NDRG3: variants seen among roughly 807,000 people sequenced by gnomAD.
NDRG3 encodes NDRG family member 3, also known as protein NDRG3.
Under a neutral mutation model 57.2 loss-of-function variants are expected in NDRG3, and 23 were observed. The ratio of observed to expected loss-of-function variants is 0.40; its 90% confidence interval spans 0.29 to 0.57. The LOEUF (loss-of-function observed/expected upper bound fraction) is 0.57. Ranked by LOEUF, NDRG3 falls within the 20% of genes least tolerant of loss-of-function variation. The pLI is 0.42. For missense variants in NDRG3, 384 were observed against 457.3 expected (o/e 0.84, Z 1.46); for synonymous variants, 132 against 162.6 (o/e 0.81, Z 1.43).
intron 6 of NDRG3, 39 bp downstream of exon 6, chr20:36,684,374 T>C: frequency 6.5e-7 from 1 of 1,537,516 alleles, no homozygotes; most frequent in Non-Finnish European, 9.0e-7. Flanking sequence ...CCATAGAAAG[T>C]CAATAAAAAC....
At chr20:36,683,850 C>T (rs1600893393) in intron 6 of NDRG3, among the ~76,000 whole-genome samples, 1 of 152,004 alleles carries the variant, frequency 6.6e-6, no homozygotes, top group East Asian at 1.9e-4. Context: ...CATCCCCCAA[C>T]AGCAGCATCC....
intron 1 of NDRG3, among the ~76,000 whole-genome samples, chr20:36,725,612 A>G (rs1984883150): frequency 6.6e-6 from 1 of 151,568 alleles, no homozygotes; most frequent in Non-Finnish European, 1.5e-5. Flanking sequence ...AAAAAAAAAA[A>G]AAAAAAGAAA....
At chr20:36,680,963 TTGGAACA>T (rs1427150950) in intron 7 of NDRG3, 61 bp from the exon 8 acceptor site, 1 of 1,393,018 alleles carries the variant, frequency 7.2e-7, no homozygotes, top group East Asian at 2.3e-5. Flanking sequence ...TTCTAAACAG[TTGGAACA>T]TGGTTGATCA....
At chr20:36,697,969 T>TC (rs1217474051) in intron 3 of NDRG3, among the ~76,000 whole-genome samples, 6 of 145,346 alleles carry the variant, frequency 4.1e-5, no homozygotes, top group South Asian at 2.2e-4. Context: ...TTTTCTTTTT[T>TC]TTTTTTTTTT....
At chr20:36,709,168 G>A (rs1194210367) in intron 2 of NDRG3, among the ~76,000 whole-genome samples, 1 of 152,194 alleles carries the variant, frequency 6.6e-6, no homozygotes, top group Non-Finnish European at 1.5e-5. Context: ...GTAGCCGTTA[G>A]CCATATGTAC....
chr20:36,679,868 A>T (rs953980799), intron 8 of NDRG3, among the ~76,000 whole-genome samples: 2 of 150,550 alleles, frequency 1.3e-5, no homozygotes, highest in African/African-American at 4.9e-5. Flanking sequence ...CTTGTTGCCC[A>T]GACTGGAGTG....
At chr20:36,696,733 C>T (rs868589625) in intron 3 of NDRG3, among the ~76,000 whole-genome samples, 10 of 151,798 alleles carry the variant, frequency 6.6e-5, no homozygotes, top group South Asian at 2.1e-4. Flanking sequence ...CCTCGTGATC[C>T]GCCCACCTCG....
intron 8 of NDRG3, among the ~76,000 whole-genome samples, chr20:36,678,271 AT>A (rs377138908): frequency 8.5e-5 from 13 of 152,284 alleles, no homozygotes; most frequent in African/African-American, 3.1e-4. Flanking sequence ...CATACAGAAT[AT>A]TTTTTAAAGT....
At chr20:36,719,207 T>C (rs1984445011) in intron 2 of NDRG3, among the ~76,000 whole-genome samples, 1 of 151,770 alleles carries the variant, frequency 6.6e-6, no homozygotes. Flanking sequence ...GGCGGGTGGA[T>C]CAAGAGGTCA....
chr20:36,720,102 G>A (rs1234691222), intron 2 of NDRG3, among the ~76,000 whole-genome samples: 4 of 147,184 alleles, frequency 2.7e-5, no homozygotes, highest in South Asian at 2.2e-4. Context: ...GTGAGACTCC[G>A]TCTCAAAAAA....
rs777100967 is a variant in NDRG3, at chr20:36,660,340, T to C, written c.855A>G (p.Leu285=). 5 of 1,604,658 alleles carry C rather than the reference T, an allele frequency of 3.1e-6. No individual in the cohort carries two copies. Among genetic ancestry groups the C allele is most frequent in the Admixed American group, 3.4e-5 (2 of 59,548 alleles). ...GTGAGGGAAGAAGGCACATTACCTT[T>C]AGCAAAGTTGTATTTATAGGGTTCA... ...SRLNPINTTL[L]KMADCGGLPQ... is the part of the protein sequence containing the mutation. Residue 285 remains leucine (L), a synonymous_variant, in exon 13 of 16, where the codon CTA becomes CTG. Coordinates refer to ENST00000349004, the MANE Select transcript of NDRG3 (RefSeq NM_032013.4).
intron 8 of NDRG3, among the ~76,000 whole-genome samples, chr20:36,676,007 G>A (rs1980662562): frequency 1.3e-5 from 2 of 152,104 alleles, no homozygotes; most frequent in East Asian, 1.9e-4. Context: ...TTGGGAGGCT[G>A]AGGCGGGCGG....
intron 1 of NDRG3, among the ~76,000 whole-genome samples, chr20:36,728,273 C>G (rs558345988): frequency 6.6e-6 from 1 of 152,188 alleles, no homozygotes; most frequent in African/African-American, 2.4e-5. Context: ...AGGATGGTCT[C>G]GATCTCCTGA....
chr20:36,665,975 T>C (rs1028644825), intron 10 of NDRG3, among the ~76,000 whole-genome samples: 3 of 152,170 alleles, frequency 2.0e-5, no homozygotes, highest in Non-Finnish European at 4.4e-5. Context: ...GTTTTCCTTG[T>C]AACTGAGTTT....
chr20:36,744,967 AGGGG>A (rs34122149), intron 1 of NDRG3, among the ~76,000 whole-genome samples: 1 of 65,344 alleles, frequency 1.5e-5, no homozygotes, highest in Non-Finnish European at 3.2e-5. Flanking sequence ...GGCCAGGGTA[AGGGG>A]GGGGGGGGGC....
At chr20:36,686,240 G>C (rs1301171811) in intron 5 of NDRG3, among the ~76,000 whole-genome samples, 1 of 152,154 alleles carries the variant, frequency 6.6e-6, no homozygotes, top group Non-Finnish European at 1.5e-5. Context: ...GCATTTTAGA[G>C]TCAGATTCTG....
intron 1 of NDRG3, among the ~76,000 whole-genome samples, chr20:36,731,005 A>G (rs1985253884): frequency 6.6e-6 from 1 of 152,116 alleles, no homozygotes; most frequent in Non-Finnish European, 1.5e-5. Context: ...GATTTTGCCA[A>G]AGTTTTCAGT....
chr20:36,677,365 T>C (rs1263432219), intron 8 of NDRG3, among the ~76,000 whole-genome samples: 4 of 152,228 alleles, frequency 2.6e-5, no homozygotes, highest in Admixed American at 6.5e-5. Flanking sequence ...ACGGGCTGGA[T>C]TGCCAGTCGC....
rs530859513 is a variant in NDRG3, at chr20:36,723,518, A to C, written c.-48-1735T>G. Among the ~76,000 whole-genome samples, 17 of 152,264 alleles carry C rather than the reference A, an allele frequency of 1.1e-4. No homozygotes were observed. The East Asian group carries it at 3.1e-3, about 28-fold the overall frequency. On this transcript the variant is annotated intron_variant, in intron 1 of 15. Transcript: ENST00000349004. The stretch of plus-strand genomic sequence containing the variant: ...TACCCATTGCACTATGGAAGATACA[A>C]AAAGGGTCCCTGCCTCTAAAGAGTA...
Sources: allele counts gnomAD v4.1 joint callset (sites outside exome capture counted in the v4.1 genomes callset), GRCh38; gene constraint gnomAD v4.1.1; transcripts MANE v1.5; gene names NCBI Gene and HGNC (gene_info 2026-07-23, HGNC 2026-07-21).